Variants in TNKS observed in about 807,000 individuals in gnomAD.
The protein encoded by TNKS is tankyrase, also known as poly [ADP-ribose] polymerase tankyrase-1.
TNKS carries 72 observed loss-of-function variants against 135.8 expected under a neutral mutation model. The ratio of observed to expected loss-of-function variants is 0.53; its 90% CI spans 0.44 to 0.64. The LOEUF (loss-of-function observed/expected upper bound fraction) is 0.64, where lower values mean the gene tolerates loss of function less well. TNKS is among the 30% of genes least tolerant of loss of function. The pLI is 0.00. For synonymous variants in TNKS, 849 were observed against 649.3 expected, an observed-to-expected ratio of 1.31 and a Z score of -4.68; for missense variants, 1,769 against 1,674.0, an observed-to-expected ratio of 1.06 and a Z score of -0.99.
intron 5 of TNKS, among the ~76,000 whole-genome samples, chr8:9,689,154 C>CTTG: frequency 6.6e-6 from 1 of 151,780 alleles, no homozygotes; most frequent in East Asian, 1.9e-4. Context: ...CCTTTTTTTC[C>CTTG]TTTTATTAAA....
intron 20 of TNKS, 62 bp from the exon 21 acceptor site, chr8:9,761,454 A>G: frequency 1.9e-6 from 3 of 1,565,478 alleles, no homozygotes; most frequent in Non-Finnish European, 2.6e-6. Context: ...GGCAATTGGA[A>G]AAGCTTTTGT....
intron 5 of TNKS, among the ~76,000 whole-genome samples, chr8:9,690,921 G>C (rs1456504060): frequency 6.6e-6 from 1 of 152,080 alleles, no homozygotes; most frequent in African/African-American, 2.4e-5. Flanking sequence ...TACTTGGATG[G>C]GGACTTAATG....
At chr8:9,566,099 A>T (rs1430062685) in intron 1 of TNKS, among the ~76,000 whole-genome samples, 1 of 152,116 alleles carries the variant, frequency 6.6e-6, no homozygotes, top group East Asian at 1.9e-4. Context: ...TGTTAATAAG[A>T]TGTGCAGGTC....
At chr8:9,608,301 C>G (rs924058991) in intron 2 of TNKS, among the ~76,000 whole-genome samples, 1 of 152,096 alleles carries the variant, frequency 6.6e-6, no homozygotes, top group Non-Finnish European at 1.5e-5. Context: ...TATAATGAAA[C>G]AAAGGAATAA....
intron 1 of TNKS, among the ~76,000 whole-genome samples, chr8:9,576,788 C>G (rs1448981093): frequency 6.6e-6 from 1 of 151,868 alleles, no homozygotes; most frequent in Non-Finnish European, 1.5e-5. Context: ...CAACCTTCCA[C>G]TAATATAGAT....
At chr8:9,751,480 C>T (rs770564282) in intron 18 of TNKS, 129 bp from the exon 19 acceptor site, 2 of 737,060 alleles carry the variant, frequency 2.7e-6, no homozygotes, top group Non-Finnish European at 2.2e-6. Context: ...AAGGAATGAT[C>T]AAAAACCAGT....
rs768839034 is a variant in TNKS at position 9,556,867 on chromosome 8, G to C, written c.673+255G>C. 97 of 579,182 alleles carry C rather than the reference G, an allele frequency of 1.7e-4. 1 individual carries two copies. Among genetic ancestry groups the C allele is most frequent in the Non-Finnish European group, 2.8e-4 (92 of 326,104 alleles). The allele number at this position is 579,182 out of a possible 1,614,324, so 35.9% of individuals were successfully genotyped here. A position where few individuals can be genotyped will look rare whatever the true frequency, so the allele number is the denominator to read the frequency against. On this transcript the variant is annotated intron_variant, in intron 1 of 26. Transcript: ENST00000310430. Reference sequence around the variant, plus strand: ...ATTACAAAACTCACTGTAGTTGGTAGTCTCTGCATATGGATATATTTACAC... The same window carrying C: ...ATTACAAAACTCACTGTAGTTGGTACTCTCTGCATATGGATATATTTACAC...
chr8:9,749,238 C>G (rs979242704), intron 18 of TNKS, among the ~76,000 whole-genome samples: 1 of 152,142 alleles, frequency 6.6e-6, no homozygotes, highest in Non-Finnish European at 1.5e-5. Flanking sequence ...CCTGTGAATA[C>G]AAATTAAATC....
chr8:9,728,269 T>G (rs1180320109), intron 13 of TNKS, among the ~76,000 whole-genome samples: 1 of 152,170 alleles, frequency 6.6e-6, no homozygotes, highest in Admixed American at 6.5e-5. Flanking sequence ...CCCAAGAGAC[T>G]TTAGAAAGTA....
At chr8:9,617,969 A>G (rs1241467685) in intron 3 of TNKS, among the ~76,000 whole-genome samples, 2 of 147,320 alleles carry the variant, frequency 1.4e-5, no homozygotes, top group Non-Finnish European at 3.0e-5. Context: ...TAATAAAGTG[A>G]CAATCTCTTT....
chr8:9,707,141 A>C (rs931243891), intron 8 of TNKS, 144 bp downstream of exon 8: 4 of 708,180 alleles, frequency 5.6e-6, no homozygotes, highest in Non-Finnish European at 6.5e-6. Context: ...ACTTTTCTTC[A>C]TGAATTCCAT....
chr8:9,681,246 T>G (rs1208649937), intron 5 of TNKS: 3 of 153,284 alleles, frequency 2.0e-5, no homozygotes, highest in Non-Finnish European at 4.4e-5. Context: ...TTAATGATTT[T>G]TTTACATCTA....
chr8:9,672,700 ACACACAC>A (rs1802344929), intron 3 of TNKS, among the ~76,000 whole-genome samples: 2 of 125,964 alleles, frequency 1.6e-5, no homozygotes, highest in African/African-American at 5.8e-5. Context: ...ACACACACAC[ACACACAC>A]ACACAAAAAA....
At position 9,672,704 on chromosome 8, in the gene TNKS, ACAC is replaced by A. The variant is rs1197272688; in HGVS notation, c.995-7246_995-7244del. ...CATACACACACACACACACACACAC[ACAC>A]ACACAAAAAAAAAAAAACAAACTAA... On this transcript the variant is annotated intron_variant, in intron 3 of 26. Coordinates refer to ENST00000310430, the MANE Select transcript of TNKS (RefSeq NM_003747.3). 1.7e-3 allele frequency among the ~76,000 whole-genome samples: 210 copies of A among 125,472 alleles called. 3 individuals carry two copies. The highest frequency in any genetic ancestry group is 5.8e-3 in the African/African-American group (201 of 34,492). The allele number at this position is 125,472 out of a possible 152,430, so 82.3% of individuals were successfully genotyped here. A position where few individuals can be genotyped will look rare whatever the true frequency, so the allele number is the denominator to read the frequency against.
At chr8:9,564,374 TA>T (rs201861876) in intron 1 of TNKS, among the ~76,000 whole-genome samples, 130 of 148,362 alleles carry the variant, frequency 8.8e-4, no homozygotes, top group African/African-American at 2.6e-3. Context: ...ATAAATATGT[TA>T]AAAAAAAAAA....
rs958125235 is a variant in TNKS, at chr8:9,690,162, G to A, written c.1107+9362G>A. Among the ~76,000 whole-genome samples, 9 of 152,160 alleles carry A rather than the reference G, an allele frequency of 5.9e-5. No homozygotes were observed. The East Asian group carries it at 1.4e-3, about 23-fold the overall frequency. ...CACCTTGAGAGTACTCAGCATTTTTGTTCACACAAATCTTGTGAGAGCATG... is the reference window on the plus strand; with the variant it reads ...CACCTTGAGAGTACTCAGCATTTTTATTCACACAAATCTTGTGAGAGCATG... On this transcript the variant is annotated intron_variant, in intron 5 of 26. Coordinates refer to ENST00000310430, the MANE Select transcript of TNKS (RefSeq NM_003747.3).
intron 9 of TNKS, among the ~76,000 whole-genome samples, chr8:9,709,047 C>T (rs1241596549): frequency 2.0e-5 from 3 of 152,112 alleles, no homozygotes; most frequent in African/African-American, 2.4e-5. Flanking sequence ...GTCATTGACA[C>T]ATTAAGGCTC....
intron 1 of TNKS, 123 bp from the exon 2 acceptor site, chr8:9,580,036 C>T (rs62493904): frequency 0.12 from 92,624 of 742,964 alleles, 6,649 homozygotes; most frequent in Admixed American, 0.25. Flanking sequence ...TTTTGTTTTA[C>T]ACCATTTACT....
chr8:9,620,448 A>G (rs80319579), intron 3 of TNKS, among the ~76,000 whole-genome samples: 1,690 of 152,208 alleles, frequency 0.011, 30 homozygotes, highest in African/African-American at 0.037. Context: ...AGTTCTCTTC[A>G]CTGCAGCTAG....
Sources: allele counts gnomAD v4.1 joint callset (sites outside exome capture counted in the v4.1 genomes callset), GRCh38; gene constraint gnomAD v4.1.1; transcripts MANE v1.5; gene names NCBI Gene and HGNC (gene_info 2026-07-23, HGNC 2026-07-21).